CAB39L: variants seen among roughly 807,000 people sequenced by gnomAD.
The protein encoded by CAB39L is calcium-binding protein 39-like.
A neutral mutation model predicts 39.1 loss-of-function variants in CAB39L; 23 were observed. The observed-to-expected ratio is 0.59, with a 90% confidence interval of 0.42 to 0.83. The LOEUF (loss-of-function observed/expected upper bound fraction) is 0.83. Ranked by LOEUF, CAB39L falls within the 40% of genes least tolerant of loss-of-function variation. The probability of loss-of-function intolerance (pLI) is 0.00; values close to 1 mark genes in which losing one functional copy is unlikely to be tolerated. For synonymous variants in CAB39L, 126 were observed against 137.2 expected, an observed-to-expected ratio of 0.92 and a Z score of 0.57; for missense variants, 366 against 391.9, an observed-to-expected ratio of 0.93 and a Z score of 0.56.
chr13:49,393,370 G>T (rs1016626984), intron 3 of CAB39L, among the ~76,000 whole-genome samples: 5 of 151,894 alleles, frequency 3.3e-5, no homozygotes, highest in Non-Finnish European at 7.4e-5. Context: ...TTCGAAAATA[G>T]GATAATTACT....
At chr13:49,320,913 G>A (rs536088011) in intron 10 of CAB39L, among the ~76,000 whole-genome samples, 13 of 152,156 alleles carry the variant, frequency 8.5e-5, no homozygotes, top group Admixed American at 1.3e-4. Context: ...CTGGGCCCAC[G>A]ACAGAATTAG....
intron 1 of CAB39L, among the ~76,000 whole-genome samples, chr13:49,441,245 T>TATATATATATATATATATATC (rs1957519000): frequency 9.0e-6 from 1 of 110,670 alleles, no homozygotes; most frequent in African/African-American, 5.7e-5. Flanking sequence ...ATATATATAT[T>TATATATATATATATATATATC]CCCTTTTCCC....
At position 49,332,017 on chromosome 13, in the gene CAB39L, AG is replaced by A; in HGVS notation, c.763del (p.Leu255Ter). The A allele has an allele frequency of 6.2e-7, 1 of 1,614,112 alleles. No homozygotes were observed. Among genetic ancestry groups the A allele is most frequent in the Non-Finnish European group, 8.5e-7 (1 of 1,179,964 alleles). On this transcript the variant is annotated frameshift_variant, in exon 10 of 11. Transcript: ENST00000409308. LOFTEE classifies it high-confidence loss of function. ...CCGAAGGAGGTTCATCATGAGTTTCAGGTTCTCCGGCTTGCTGATATACTTT... is the reference window on the plus strand; with the variant it reads ...CCGAAGGAGGTTCATCATGAGTTTCAGTTCTCCGGCTTGCTGATATACTTT... ...MTKYISKPENLKLMMNLLRDK... is the reference protein window; with the variant it reads ...MTKYISKPENXKLMMNLLRDK...
intron 6 of CAB39L, among the ~76,000 whole-genome samples, chr13:49,355,154 T>C (rs750851443): frequency 5.9e-5 from 9 of 151,700 alleles, no homozygotes; most frequent in Non-Finnish European, 1.3e-4. Context: ...GGCAGGAGGA[T>C]TGCTTGAGCC....
chr13:49,350,943 C>T (rs1955330758), intron 6 of CAB39L, 31 bp from the exon 7 acceptor site: 1 of 1,480,234 alleles, frequency 6.8e-7, no homozygotes, highest in Non-Finnish European at 9.1e-7. Flanking sequence ...AAATAGAGAA[C>T]TCTGTTATCC....
At chr13:49,403,235 T>C (rs947077952) in intron 3 of CAB39L, among the ~76,000 whole-genome samples, 9 of 152,230 alleles carry the variant, frequency 5.9e-5, no homozygotes, top group African/African-American at 2.2e-4. Context: ...GGGTTGAGTA[T>C]TCAGAAGGAT....
At chr13:49,411,546 C>T (rs768502601) in intron 3 of CAB39L, among the ~76,000 whole-genome samples, 4 of 151,922 alleles carry the variant, frequency 2.6e-5, no homozygotes, top group Non-Finnish European at 4.4e-5. Context: ...TGTTTGAATA[C>T]ACACCAAGAT....
intron 3 of CAB39L, among the ~76,000 whole-genome samples, chr13:49,417,279 G>A (rs1957100853): frequency 6.6e-6 from 1 of 152,186 alleles, no homozygotes; most frequent in South Asian, 2.1e-4. Context: ...ATTGAGGAGA[G>A]TTGTGTAATC....
intron 3 of CAB39L, among the ~76,000 whole-genome samples, chr13:49,406,021 GAT>G (rs1956868931): frequency 6.6e-6 from 1 of 151,912 alleles, no homozygotes; most frequent in Non-Finnish European, 1.5e-5. Flanking sequence ...GGGCAAAGGG[GAT>G]AGTTAATCCA....
At chr13:49,431,245 T>C (rs1957317744) in intron 3 of CAB39L, among the ~76,000 whole-genome samples, 1 of 152,222 alleles carries the variant, frequency 6.6e-6, no homozygotes, top group African/African-American at 2.4e-5. Flanking sequence ...ATAAGTGTAA[T>C]ATATTCTTTT....
intron 9 of CAB39L, among the ~76,000 whole-genome samples, chr13:49,337,729 G>GGC (rs1384930361): frequency 8.5e-4 from 77 of 90,282 alleles, no homozygotes; most frequent in African/African-American, 3.5e-3. Context: ...TAGCTGCTCT[G>GGC]GCGCACACAC....
chr13:49,379,187 G>A lies in CAB39L; in HGVS notation c.112-2056C>T, dbSNP rs1184191825. Among the ~76,000 whole-genome samples the A allele has an allele frequency of 9.0e-5, 4 of 44,246 alleles. No homozygotes were observed. The East Asian group carries it at 1.5e-3, about 16-fold the overall frequency. 29.0% of individuals were successfully genotyped at this position (44,246 alleles called of 152,430 possible). On this transcript the variant is annotated intron_variant, in intron 4 of 10. Coordinates refer to ENST00000409308, the MANE Select transcript of CAB39L (RefSeq NM_001079670.3). ...CCTCTGCCCGGCCACCACCCCGTCT[G>A]GGAGGTGTGCCCAACAGCTCATTGA...
rs1555254610 is a variant in CAB39L, at chr13:49,346,100, G to GAGATATATATAT, written c.565-1863_565-1862insATATATATATCT. On this transcript the variant is annotated intron_variant, in intron 7 of 10. Transcript: ENST00000409308. ...GATATATATATATATATATATGCTA[G>GAGATATATATAT]ATATATATATATATATATATATATC... is the stretch of plus-strand genomic sequence containing the variant. Among the ~76,000 whole-genome samples, 69 of 30,914 alleles carry GAGATATATATAT rather than the reference G, an allele frequency of 2.2e-3. 4 individuals are homozygous for GAGATATATATAT. The highest frequency in any genetic ancestry group is 3.6e-3 in the Non-Finnish European group (63 of 17,580). 20.3% of individuals were successfully genotyped at this position (30,914 alleles called of 152,430 possible).
intron 10 of CAB39L, among the ~76,000 whole-genome samples, chr13:49,322,896 C>T (rs1448585548): frequency 3.3e-5 from 5 of 152,252 alleles, no homozygotes; most frequent in Non-Finnish European, 7.3e-5. Context: ...TCACTCTCCG[C>T]AGCCTATTGA....
intron 3 of CAB39L, among the ~76,000 whole-genome samples, chr13:49,383,675 T>C (rs1180085573): frequency 6.6e-6 from 1 of 152,202 alleles, no homozygotes; most frequent in Admixed American, 6.5e-5. Flanking sequence ...AAAAGTTATA[T>C]TTACGCTATA....
chr13:49,314,924 A>T (rs1954111377), intron 10 of CAB39L, among the ~76,000 whole-genome samples: 2 of 152,322 alleles, frequency 1.3e-5, no homozygotes, highest in South Asian at 4.1e-4. Flanking sequence ...ATGGAGTAGA[A>T]CACATACATT....
chr13:49,311,121 G>A lies in CAB39L; in HGVS notation c.835-128C>T, dbSNP rs1379718258. 4 of 741,312 alleles carry A rather than the reference G, an allele frequency of 5.4e-6. No homozygotes were observed. The African/African-American group carries it at 7.0e-5, about 13-fold the overall frequency. 45.9% of individuals were successfully genotyped at this position (741,312 alleles called of 1,614,324 possible). A position where few individuals can be genotyped will look rare whatever the true frequency, so the allele number is the denominator to read the frequency against. ...GCGTGACTGATATTATTAATGCGTA[G>A]AAGCCCCTGACTCTAATTCTCAGTG... is the stretch of plus-strand genomic sequence containing the variant. On this transcript the variant is annotated intron_variant, in intron 10 of 10. Transcript: ENST00000409308.
rs541127302 is a variant in CAB39L at position 49,408,656 on chromosome 13, C to T, written c.-32+24662G>A. Among the ~76,000 whole-genome samples, 4 of 152,176 alleles carry T rather than the reference C, an allele frequency of 2.6e-5. No individual in the cohort carries two copies. In the East Asian group the frequency reaches 7.7e-4, roughly 29 times the overall value. ...CTGGACAACATGGCAAGACCCCCAT[C>T]TCTACCAAAAAAATACATACAAAAA... is the stretch of plus-strand genomic sequence containing the variant. On this transcript the variant is annotated intron_variant, in intron 3 of 10. Transcript: ENST00000409308.
intron 1 of CAB39L, among the ~76,000 whole-genome samples, chr13:49,439,797 C>T (rs1053381597): frequency 7.2e-5 from 11 of 151,824 alleles, no homozygotes; most frequent in African/African-American, 2.7e-4. Context: ...GAGATGATGT[C>T]TCATTATGGT....
Sources: allele counts gnomAD v4.1 joint callset (sites outside exome capture counted in the v4.1 genomes callset), GRCh38; gene constraint gnomAD v4.1.1; transcripts MANE v1.5; gene names NCBI Gene and HGNC (gene_info 2026-07-23, HGNC 2026-07-21).